ANKS1A: variants seen among roughly 807,000 people sequenced by gnomAD.
The protein encoded by ANKS1A is ankyrin repeat and SAM domain-containing protein 1A.
ANKS1A carries 55 observed loss-of-function variants against 120.3 expected under a neutral mutation model. The observed-to-expected ratio is 0.46, with a 90% CI of 0.37 to 0.57. The LOEUF (loss-of-function observed/expected upper bound fraction) is 0.57. Ranked by LOEUF, ANKS1A falls within the 20% of genes least tolerant of loss-of-function variation. ANKS1A has a pLI of 0.00. For synonymous variants in ANKS1A, 590 were observed against 604.7 expected, an observed-to-expected ratio of 0.98 and a Z score of 0.36; for missense variants, 1,123 against 1,480.3, an observed-to-expected ratio of 0.76 and a Z score of 3.96.
chr6:35,035,697 C>G (rs1433807998), intron 11 of ANKS1A, among the ~76,000 whole-genome samples: 1 of 152,240 alleles, frequency 6.6e-6, no homozygotes, highest in East Asian at 1.9e-4. Flanking sequence ...AGTCGGGAAT[C>G]AGCCTCACTT....
chr6:34,983,877 T>G (rs1478349554), intron 7 of ANKS1A, among the ~76,000 whole-genome samples: 1 of 150,230 alleles, frequency 6.7e-6, no homozygotes, highest in Non-Finnish European at 1.5e-5. Flanking sequence ...CTGCAACCTC[T>G]GCCTCCCGGG....
chr6:34,918,294 C>T (rs1343000481), intron 1 of ANKS1A, among the ~76,000 whole-genome samples: 1 of 152,178 alleles, frequency 6.6e-6, no homozygotes, highest in Non-Finnish European at 1.5e-5. Flanking sequence ...GGCCTAGGTT[C>T]AAATGCCAGC....
chr6:34,946,483 G>A (rs1426995704), intron 1 of ANKS1A, among the ~76,000 whole-genome samples: 2 of 151,916 alleles, frequency 1.3e-5, no homozygotes, highest in African/African-American at 4.8e-5. Context: ...AGCTACTCGG[G>A]AGGCTGAGGT....
At chr6:35,097,425 C>T in the ANKS1A span, among the ~76,000 whole-genome samples, 1 of 151,798 alleles carries the variant, frequency 6.6e-6, no homozygotes, top group Non-Finnish European at 1.5e-5. Flanking sequence ...GGGAGAATCG[C>T]TTGAACCCAG....
At chr6:35,070,281 A>C (rs1180985056) in intron 13 of ANKS1A, among the ~76,000 whole-genome samples, 1 of 151,712 alleles carries the variant, frequency 6.6e-6, no homozygotes, top group African/African-American at 2.4e-5. Flanking sequence ...TCCCAGCTTA[A>C]CCCCCATCTT....
intron 13 of ANKS1A, among the ~76,000 whole-genome samples, chr6:35,077,050 G>A (rs978621426): frequency 6.6e-6 from 1 of 152,222 alleles, no homozygotes; most frequent in Non-Finnish European, 1.5e-5. Flanking sequence ...TGGATGAGAT[G>A]ATCCTACTCC....
At chr6:34,981,619 G>C in intron 3 of ANKS1A, 71 bp from the exon 4 acceptor site, 1 of 1,519,260 alleles carries the variant, frequency 6.6e-7, no homozygotes. Flanking sequence ...GTGGTTTTAC[G>C]AGTGGTTGTC....
chr6:35,054,934 G>C (rs1030408951), intron 12 of ANKS1A, among the ~76,000 whole-genome samples: 1 of 152,216 alleles, frequency 6.6e-6, no homozygotes, highest in South Asian at 2.1e-4. Context: ...AAGCAGCCCA[G>C]CTGGGAGCCT....
chr6:34,994,510 T>G (rs1295026599), intron 10 of ANKS1A, 88 bp downstream of exon 10: 53 of 1,534,446 alleles, frequency 3.5e-5, no homozygotes, highest in African/African-American at 2.1e-4. Context: ...ATGTCGTAAC[T>G]ATGATATTCC....
At position 35,089,314 on chromosome 6, in the gene ANKS1A, A is replaced by G. The variant is rs1326931083; in HGVS notation, c.*705A>G. ...GGGAAGGTTCAGTGGCCAAATGAAGATAAGTGTGCAGTTTCTAGTGCTGGG... is the reference window on the plus strand; with the variant it reads ...GGGAAGGTTCAGTGGCCAAATGAAGGTAAGTGTGCAGTTTCTAGTGCTGGG... On this transcript the variant is annotated 3_prime_UTR_variant, in exon 24 of 24. Coordinates refer to ENST00000360359, the MANE Select transcript of ANKS1A (RefSeq NM_015245.3). 8.1e-6 allele frequency: 8 copies of G among 987,582 alleles called. No individual in the cohort carries two copies. Among genetic ancestry groups the G allele is most frequent in the South Asian group, 4.7e-5 (1 of 21,376 alleles). 61.2% of individuals were successfully genotyped at this position (987,582 alleles called of 1,614,324 possible).
intron 11 of ANKS1A, among the ~76,000 whole-genome samples, chr6:35,033,875 C>T (rs572741561): frequency 7.2e-5 from 11 of 152,130 alleles, no homozygotes; most frequent in South Asian, 2.1e-4. Flanking sequence ...GCCTGTTCAG[C>T]GGCAGGATCG....
At chr6:34,917,045 A>C (rs1247609904) in intron 1 of ANKS1A, among the ~76,000 whole-genome samples, 1 of 152,188 alleles carries the variant, frequency 6.6e-6, no homozygotes, top group Non-Finnish European at 1.5e-5. Context: ...ATTTAGACAC[A>C]CAAGTCCTGG....
chr6:35,012,841 A>G (rs1561911973), intron 10 of ANKS1A, among the ~76,000 whole-genome samples: 1 of 152,266 alleles, frequency 6.6e-6, no homozygotes, highest in East Asian at 1.9e-4. Context: ...CATAAGAAAC[A>G]GGCCTCCCTC....
At chr6:35,007,320 A>G (rs1274544773) in intron 10 of ANKS1A, among the ~76,000 whole-genome samples, 1 of 152,252 alleles carries the variant, frequency 6.6e-6, no homozygotes, top group Non-Finnish European at 1.5e-5. Flanking sequence ...AAGCCTTAAT[A>G]GATCTATGAA....
At chr6:35,087,235 C>G (rs1387748283) in intron 23 of ANKS1A, among the ~76,000 whole-genome samples, 186 bp downstream of exon 23, 1 of 152,224 alleles carries the variant, frequency 6.6e-6, no homozygotes, top group Non-Finnish European at 1.5e-5. Context: ...ACTTGCAGCT[C>G]TCGCACCTAC....
chr6:34,927,438 A>G (rs1768773034), intron 1 of ANKS1A, among the ~76,000 whole-genome samples: 1 of 152,058 alleles, frequency 6.6e-6, no homozygotes, highest in Non-Finnish European at 1.5e-5. Flanking sequence ...ATGGGCACTA[A>G]AGATTAGTTT....
intron 1 of ANKS1A, among the ~76,000 whole-genome samples, chr6:34,962,885 G>T (rs1770714212): frequency 1.3e-5 from 2 of 149,558 alleles, no homozygotes; most frequent in African/African-American, 2.5e-5. Flanking sequence ...CTTTTGAGAT[G>T]GGATCTTGCT....
chr6:34,989,175 G>T, intron 8 of ANKS1A, 49 bp from the exon 9 acceptor site: 2 of 1,584,666 alleles, frequency 1.3e-6, no homozygotes, highest in South Asian at 2.3e-5. Context: ...CAAAAAATTA[G>T]ATACTTAAAA....
intron 1 of ANKS1A, among the ~76,000 whole-genome samples, chr6:34,940,180 G>A (rs1223134772): frequency 6.6e-6 from 1 of 152,214 alleles, no homozygotes; most frequent in Non-Finnish European, 1.5e-5. Flanking sequence ...TCCACATAGT[G>A]AGCCTTGGAA....
Sources: allele counts gnomAD v4.1 joint callset (sites outside exome capture counted in the v4.1 genomes callset), GRCh38; gene constraint gnomAD v4.1.1; transcripts MANE v1.5; gene names NCBI Gene and HGNC (gene_info 2026-07-23, HGNC 2026-07-21).